Variants in CCDC6 observed in about 807,000 individuals in gnomAD.
CCDC6 encodes the protein coiled-coil domain containing 6, also known as coiled-coil domain-containing protein 6.
In CCDC6, 20 loss-of-function variants were observed where a neutral mutation model predicts 56.6. The ratio of observed to expected loss-of-function variants is 0.35; its 90% confidence interval spans 0.25 to 0.51. The LOEUF (loss-of-function observed/expected upper bound fraction) is 0.51, where lower values mean the gene tolerates loss of function less well. Ranked by LOEUF, CCDC6 falls within the 20% of genes least tolerant of loss-of-function variation. The probability of loss-of-function intolerance (pLI) is 0.95; values close to 1 mark genes in which losing one functional copy is unlikely to be tolerated. For missense variants in CCDC6, 367 were observed against 601.1 expected (o/e 0.61, Z 4.07); for synonymous variants, 241 against 234.4 (o/e 1.03, Z -0.26).
At chr10:59,859,199 C>CGTGTGT (rs66648240) in intron 1 of CCDC6, among the ~76,000 whole-genome samples, 3,174 of 137,214 alleles carry the variant, frequency 0.023, 110 homozygotes, top group African/African-American at 0.073. Flanking sequence ...CATGTGTGTG[C>CGTGTGT]GTGTGTGTGT....
intron 1 of CCDC6, among the ~76,000 whole-genome samples, chr10:59,881,872 C>T (rs1004862221): frequency 2.0e-5 from 3 of 152,182 alleles, no homozygotes; most frequent in Non-Finnish European, 1.5e-5. Flanking sequence ...GTTCCTGTCC[C>T]TGGGAGGGGC....
chr10:59,816,128 C>A (rs1183121674), intron 3 of CCDC6, among the ~76,000 whole-genome samples: 3 of 152,012 alleles, frequency 2.0e-5, no homozygotes, highest in African/African-American at 7.3e-5. Context: ...CACAGGACAG[C>A]CAATGAAGGT....
intron 2 of CCDC6, 93 bp downstream of exon 2, chr10:59,852,460 G>A: frequency 9.6e-7 from 1 of 1,042,464 alleles, no homozygotes; most frequent in Non-Finnish European, 1.4e-6. Flanking sequence ...AACCTCATCA[G>A]CAAATGTTAC....
intron 2 of CCDC6, among the ~76,000 whole-genome samples, chr10:59,840,748 C>A (rs1359894454): frequency 6.6e-6 from 1 of 152,124 alleles, no homozygotes; most frequent in African/African-American, 2.4e-5. Flanking sequence ...GACTCAAACC[C>A]CTAAGTCTTT....
intron 4 of CCDC6, among the ~76,000 whole-genome samples, chr10:59,813,705 T>A (rs2070690751): frequency 6.6e-6 from 1 of 152,228 alleles, no homozygotes; most frequent in African/African-American, 2.4e-5. Context: ...ATTTATTACA[T>A]AAAATGACTT....
At chr10:59,803,150 T>C (rs966677047) in intron 7 of CCDC6, among the ~76,000 whole-genome samples, 27 of 152,118 alleles carry the variant, frequency 1.8e-4, no homozygotes, top group African/African-American at 6.3e-4. Context: ...GGGAACATCT[T>C]TTTGGCAAGA....
At chr10:59,903,338 A>C (rs561471113) in intron 1 of CCDC6, among the ~76,000 whole-genome samples, 6 of 152,336 alleles carry the variant, frequency 3.9e-5, no homozygotes, top group African/African-American at 1.4e-4. Flanking sequence ...TAACAAATGG[A>C]CCACTATGAT....
At chr10:59,801,579 C>T (rs887197637) in intron 7 of CCDC6, among the ~76,000 whole-genome samples, 1 of 152,108 alleles carries the variant, frequency 6.6e-6, no homozygotes, top group Non-Finnish European at 1.5e-5. Flanking sequence ...ACCTTACAGT[C>T]GCATATCCCA....
At position 59,793,108 on chromosome 10, in the gene CCDC6, G is replaced by C. The variant is rs2070483573; in HGVS notation, c.1234C>G (p.Pro412Ala). 7 of 1,613,608 alleles carry C rather than the reference G, an allele frequency of 4.3e-6. No homozygotes were observed. The highest frequency in any genetic ancestry group is 5.9e-6 in the Non-Finnish European group (7 of 1,179,672). Residue 412 changes from proline (P) to alanine (A), a missense_variant, in exon 9 of 9, where the codon CCT (proline) becomes GCT (alanine). By Grantham distance (27) the Pro-to-Ala change is conservative. Around this residue, in one of 7 missense-constraint regions of CCDC6, gnomAD observed 79 missense variants for 83.9 expected, o/e 0.94. Coordinates refer to ENST00000263102, the MANE Select transcript of CCDC6 (RefSeq NM_005436.5). ...GGACTGTTGCTTCTCCGTGGTGAAG[G>C]CCTCTGCAGAGGGGACAGGAACAGC... ...HMGTSHGITR[P>A]SPRRSNSPDK... is the part of the protein sequence containing the mutation.
intron 7 of CCDC6, among the ~76,000 whole-genome samples, chr10:59,795,082 CA>C (rs80016412): frequency 0.23 from 33,360 of 143,376 alleles, 5,368 homozygotes; most frequent in African/African-American, 0.46. Flanking sequence ...ACATAGGCAA[CA>C]AAAAAAAAAA....
intron 1 of CCDC6, among the ~76,000 whole-genome samples, chr10:59,905,485 C>A (rs1206584416): frequency 1.3e-5 from 2 of 152,110 alleles, no homozygotes; most frequent in African/African-American, 2.4e-5. Context: ...CGCTGTAAAC[C>A]GTCCACCCTC....
At chr10:59,882,543 GC>G (rs2071350459) in intron 1 of CCDC6, among the ~76,000 whole-genome samples, 1 of 50,268 alleles carries the variant, frequency 2.0e-5, no homozygotes, top group Non-Finnish European at 4.3e-5. Context: ...AAGGAAAGCC[GC>G]GGGGAGAAGG....
At chr10:59,898,506 G>A (rs1342093015) in intron 1 of CCDC6, among the ~76,000 whole-genome samples, 4 of 152,278 alleles carry the variant, frequency 2.6e-5, no homozygotes, top group Middle Eastern at 3.4e-3. Flanking sequence ...TACAGGAGTC[G>A]GCCTAAGCTT....
chr10:59,851,927 G>A (rs1009142825), intron 2 of CCDC6, among the ~76,000 whole-genome samples: 9 of 151,544 alleles, frequency 5.9e-5, no homozygotes, highest in African/African-American at 2.2e-4. Flanking sequence ...TTGAAAGGGG[G>A]AAAAAAAAGG....
intron 1 of CCDC6, among the ~76,000 whole-genome samples, chr10:59,888,012 G>T (rs369664688): frequency 6.6e-6 from 1 of 152,148 alleles, no homozygotes; most frequent in Non-Finnish European, 1.5e-5. Context: ...CAGACTTGCC[G>T]TGAGACTCAA....
intron 2 of CCDC6, among the ~76,000 whole-genome samples, chr10:59,848,801 C>T (rs532196405): frequency 6.6e-6 from 1 of 152,292 alleles, no homozygotes; most frequent in South Asian, 2.1e-4. Context: ...GCAACCTCTG[C>T]CTCCCAGGTT....
chr10:59,861,432 C>CAAAAAAA (rs55716341), intron 1 of CCDC6, among the ~76,000 whole-genome samples: 1 of 88,970 alleles, frequency 1.1e-5, no homozygotes, highest in Non-Finnish European at 2.2e-5. Flanking sequence ...CAAAAATTAC[C>CAAAAAAA]AAAAAAAAAA....
intron 1 of CCDC6, among the ~76,000 whole-genome samples, chr10:59,876,365 T>A (rs981250594): frequency 8.6e-5 from 13 of 152,040 alleles, no homozygotes; most frequent in Admixed American, 2.0e-4. Context: ...ATCATTTTTT[T>A]AAAAATCACT....
Position 59,845,359 on chromosome 10 carries a change from T to C in CCDC6, c.453+7194A>G, listed in dbSNP as rs919619976. On this transcript the variant is annotated intron_variant, in intron 2 of 8. Coordinates refer to ENST00000263102, the MANE Select transcript of CCDC6 (RefSeq NM_005436.5). ...TTGCCCCTATGGGTTTTTTTTTTTT[T>C]TTTTTTTTTTGGGATGTTAGCACAT... Among the ~76,000 whole-genome samples, 57 of 149,628 alleles carry C rather than the reference T, an allele frequency of 3.8e-4. 2 individuals carry two copies. The highest frequency in any genetic ancestry group is 1.4e-3 in the African/African-American group (56 of 40,684).
Sources: gnomAD v4.1 joint callset for allele counts (sites outside exome capture counted in the v4.1 genomes callset) on GRCh38, gnomAD v4.1.1 for gene constraint, gnomAD v4.1.1 regional missense constraint, MANE v1.5 for transcripts, NCBI Gene and HGNC (gene_info 2026-07-23, HGNC 2026-07-21) for gene names.